Variants in EYA2 observed in about 807,000 individuals in gnomAD.
EYA2 encodes EYA transcriptional coactivator and phosphatase 2, also known as protein phosphatase EYA2.
Under a neutral mutation model 69.2 loss-of-function variants are expected in EYA2, and 31 were observed. That is an observed-to-expected ratio of 0.45 (90% CI 0.34 to 0.60). The LOEUF (loss-of-function observed/expected upper bound fraction) is 0.60, where lower values mean the gene tolerates loss of function less well. Ranked by LOEUF, EYA2 falls within the 20% of genes least tolerant of loss-of-function variation. The pLI is 0.02. For synonymous variants in EYA2, 257 were observed against 279.4 expected, an observed-to-expected ratio of 0.92 and a Z score of 0.80; for missense variants, 622 against 701.2, an observed-to-expected ratio of 0.89 and a Z score of 1.28.
At chr20:47,063,782 A>AC (rs1230418596) in intron 5 of EYA2, among the ~76,000 whole-genome samples, 3 of 151,984 alleles carry the variant, frequency 2.0e-5, no homozygotes, top group African/African-American at 4.8e-5. Context: ...GGATATTTAA[A>AC]CCCCGGAAAA....
chr20:46,939,608 C>A (rs1191758242), intron 1 of EYA2, among the ~76,000 whole-genome samples: 1 of 152,008 alleles, frequency 6.6e-6, no homozygotes, highest in Non-Finnish European at 1.5e-5. Context: ...CATGCATCTT[C>A]CAGGGAAAGA....
At chr20:47,042,630 C>T (rs910242677) in intron 5 of EYA2, among the ~76,000 whole-genome samples, 3 of 152,206 alleles carry the variant, frequency 2.0e-5, no homozygotes, top group Admixed American at 2.0e-4. Flanking sequence ...CCCACAGCAC[C>T]TGGCACGCAT....
At chr20:47,175,945 G>A (rs533341338) in intron 12 of EYA2, among the ~76,000 whole-genome samples, 18 of 152,206 alleles carry the variant, frequency 1.2e-4, no homozygotes, top group Non-Finnish European at 1.8e-4. Flanking sequence ...ATTCTTCCAC[G>A]TGTCCATCGT....
intron 1 of EYA2, among the ~76,000 whole-genome samples, chr20:46,986,124 T>C (rs1454683013): frequency 6.6e-6 from 1 of 151,952 alleles, no homozygotes; most frequent in African/African-American, 2.4e-5. Flanking sequence ...CCATACAATA[T>C]GCTTTGATGT....
intron 11 of EYA2, among the ~76,000 whole-genome samples, chr20:47,170,930 GT>G (rs1486502279): frequency 4.7e-4 from 71 of 152,352 alleles, no homozygotes; most frequent in African/African-American, 1.6e-3. Context: ...AGCCCTGCAA[GT>G]CTTTTCAAAG....
At chr20:47,091,327 C>T (rs967965330) in intron 8 of EYA2, among the ~76,000 whole-genome samples, 6 of 152,168 alleles carry the variant, frequency 3.9e-5, no homozygotes, top group African/African-American at 1.2e-4. Flanking sequence ...AGCCTGCAGT[C>T]GTCACTAAAA....
chr20:47,176,952 C>T (rs548988289), intron 12 of EYA2, among the ~76,000 whole-genome samples: 1 of 151,978 alleles, frequency 6.6e-6, no homozygotes, highest in East Asian at 1.9e-4. Flanking sequence ...CCACCACACC[C>T]GGCTAATTTT....
At chr20:47,064,045 TC>T (rs35268271) in intron 5 of EYA2, among the ~76,000 whole-genome samples, 2 of 152,158 alleles carry the variant, frequency 1.3e-5, no homozygotes, top group African/African-American at 4.8e-5. Flanking sequence ...AGCTTCAACT[TC>T]CCAGGCTCAG....
chr20:46,959,113 G>A (rs1020812838), intron 1 of EYA2, among the ~76,000 whole-genome samples: 1 of 152,196 alleles, frequency 6.6e-6, no homozygotes, highest in Non-Finnish European at 1.5e-5. Flanking sequence ...TTGAGGAATC[G>A]CCACACTGTC....
chr20:47,019,905 A>G (rs145838044), intron 5 of EYA2, among the ~76,000 whole-genome samples: 17 of 151,532 alleles, frequency 1.1e-4, no homozygotes, highest in African/African-American at 4.1e-4. Context: ...TGGGAGGTCA[A>G]TGCTGCAGTA....
At chr20:47,132,400 T>G (rs751978809) in intron 9 of EYA2, among the ~76,000 whole-genome samples, 1 of 152,224 alleles carries the variant, frequency 6.6e-6, no homozygotes, top group Non-Finnish European at 1.5e-5. Flanking sequence ...CATGGGAATT[T>G]CTCAGCGGGA....
At chr20:46,911,302 G>A (rs2146223859) in intron 1 of EYA2, among the ~76,000 whole-genome samples, 1 of 152,148 alleles carries the variant, frequency 6.6e-6, no homozygotes, top group Admixed American at 6.5e-5. Context: ...ATATGTCCAT[G>A]TGGACATCAT....
chr20:47,141,885 A>G (rs1464063455), intron 9 of EYA2, among the ~76,000 whole-genome samples: 1 of 152,214 alleles, frequency 6.6e-6, no homozygotes, highest in Non-Finnish European at 1.5e-5. Context: ...TCCTTCTTGT[A>G]GCACATACAA....
chr20:47,152,411 G>A (rs1252172005), intron 10 of EYA2, among the ~76,000 whole-genome samples: 4 of 150,710 alleles, frequency 2.7e-5, no homozygotes, highest in Non-Finnish European at 5.9e-5. Context: ...TCAAAGAGTG[G>A]GCATTCTGAA....
intron 5 of EYA2, among the ~76,000 whole-genome samples, chr20:47,025,523 C>A (rs1984029212): frequency 6.6e-6 from 1 of 152,166 alleles, no homozygotes; most frequent in South Asian, 2.1e-4. Flanking sequence ...TTCATAGATG[C>A]CTATTATTGC....
intron 9 of EYA2, among the ~76,000 whole-genome samples, chr20:47,139,463 A>G (rs147328141): frequency 0.017 from 2,621 of 151,972 alleles, 113 homozygotes; most frequent in East Asian, 0.17. Context: ...ACGGAGTTTC[A>G]CTCTTGTTGC....
intron 9 of EYA2, among the ~76,000 whole-genome samples, chr20:47,099,357 C>T (rs2032358294): frequency 6.6e-6 from 1 of 152,130 alleles, no homozygotes; most frequent in African/African-American, 2.4e-5. Context: ...ATAGTGAGAC[C>T]CCATCTCTTT....
intron 1 of EYA2, among the ~76,000 whole-genome samples, chr20:46,896,586 A>G (rs1600522317): frequency 6.6e-6 from 1 of 152,204 alleles, no homozygotes; most frequent in East Asian, 1.9e-4. Flanking sequence ...AGACACTCTC[A>G]CACTTGGGTA....
intron 5 of EYA2, among the ~76,000 whole-genome samples, chr20:47,061,427 C>T (rs769041504): frequency 3.0e-4 from 46 of 151,902 alleles, no homozygotes; most frequent in Admixed American, 2.6e-4. Flanking sequence ...GCTACTCGGG[C>T]GGCCAAGGTG....
Sources: gnomAD v4.1 joint callset for allele counts (sites outside exome capture counted in the v4.1 genomes callset) on GRCh38, gnomAD v4.1.1 for gene constraint, MANE v1.5 for transcripts, NCBI Gene and HGNC (gene_info 2026-07-23, HGNC 2026-07-21) for gene names.